The following RANBP3 variants were observed in gnomAD, a reference collection of about 807,000 sequenced individuals.
The protein encoded by RANBP3 is ran-binding protein 3.
Under a neutral mutation model 77.3 loss-of-function variants are expected in RANBP3, and 14 were observed. That is an observed-to-expected ratio of 0.18 (90% confidence interval 0.12 to 0.28). The LOEUF is 0.28. Ranked by LOEUF, RANBP3 falls within the 10% of genes least tolerant of loss-of-function variation. RANBP3 has a pLI of 1.00. For missense variants in RANBP3, 586 were observed against 752.3 expected (o/e 0.78, Z 2.59); for synonymous variants, 315 against 312.4 (o/e 1.01, Z -0.09).
intron 9 of RANBP3, among the ~76,000 whole-genome samples, chr19:5,927,076 G>GTC: frequency 6.6e-6 from 1 of 152,230 alleles, no homozygotes; most frequent in South Asian, 2.1e-4. Context: ...AACCACAAAA[G>GTC]TCTCTAGACA....
intron 1 of RANBP3, among the ~76,000 whole-genome samples, chr19:5,973,739 G>C (rs892253812): frequency 6.6e-6 from 1 of 152,230 alleles, no homozygotes; most frequent in Admixed American, 6.5e-5. Context: ...GTGCACTGTA[G>C]TAAAAACAGT....
chr19:5,950,273 C>T (rs8105373), intron 3 of RANBP3, among the ~76,000 whole-genome samples: 8 of 152,162 alleles, frequency 5.3e-5, no homozygotes, highest in East Asian at 1.9e-4. Context: ...CCGCGGCTCC[C>T]GTGTCTCACT....
chr19:5,946,152 A>G (rs1467584678), intron 3 of RANBP3, among the ~76,000 whole-genome samples: 3 of 152,094 alleles, frequency 2.0e-5, no homozygotes, highest in East Asian at 3.9e-4. Context: ...GGGTAAGTTC[A>G]TGCTCACTCC....
In RANBP3 at chr19:5,917,777, G is replaced by C; in HGVS notation, c.1660+17C>G. 6.2e-7 allele frequency: 1 copy of C among 1,600,380 alleles called. No individual in the cohort carries two copies. On this transcript the variant is annotated intron_variant, in intron 16 of 16. Coordinates refer to ENST00000340578, the MANE Select transcript of RANBP3 (RefSeq NM_007322.3). ...AGCTCTTTCTATCCCCCCCAGGGTA[G>C]GGACCACCCGACTCACCAGCTGCGG...
At chr19:5,925,121 G>A (rs2057885680) in intron 10 of RANBP3, 1 of 572,524 alleles carries the variant, frequency 1.7e-6, no homozygotes, top group East Asian at 3.0e-5. Context: ...GGGCCCCACA[G>A]CATGAGGGAA....
In RANBP3 at chr19:5,923,819, A is replaced by G. The variant is rs745865616; in HGVS notation, c.1092T>C (p.Pro364=). The part of the protein sequence containing the change: ...GSESSSQEAT[P]EKESLAESAA... ...GGTGGGACGCTAACATACCTTTCTC[A>G]GGGGTGGCCTCCTGGGACGAGGACT... is the stretch of plus-strand genomic sequence containing the variant. The change falls in exon 12 of 17, where the codon CCT becomes CCC. Residue 364 remains proline (P), a synonymous_variant. Transcript: ENST00000340578. The G allele has an allele frequency of 6.2e-7, 1 of 1,611,716 alleles. No individual in the cohort carries two copies. The highest frequency in any genetic ancestry group is 2.2e-5 in the East Asian group (1 of 44,844).
rs569128272 is a variant in RANBP3, at chr19:5,940,220, C to T, written c.406+1401G>A. 2.2e-4 allele frequency among the ~76,000 whole-genome samples: 33 copies of T among 152,276 alleles called. 1 individual carries two copies. The highest frequency in any genetic ancestry group is 3.4e-3 in the Middle Eastern group (1 of 294). ...GCCGGGGAGAAGAATGGTGGTCCCT[C>T]GCCTCTTTAGCCTACATTCACAGCC... is the stretch of plus-strand genomic sequence containing the variant. On this transcript the variant is annotated intron_variant, in intron 5 of 16. Coordinates refer to ENST00000340578, the MANE Select transcript of RANBP3 (RefSeq NM_007322.3).
Position 5,978,057 on chromosome 19 carries a change from C to G in RANBP3, c.22+4G>C. ...CAGCCGGTCCCCAACGGCGCCTCCC[C>G]TACCTTCGTTCGCCAGGTCCGCCAT... On this transcript the variant is annotated splice_donor_region_variant and intron_variant, in intron 1 of 16. Coordinates refer to ENST00000340578, the MANE Select transcript of RANBP3 (RefSeq NM_007322.3). 6.2e-7 allele frequency: 1 copy of G among 1,610,908 alleles called. No homozygotes were observed. The highest frequency in any genetic ancestry group is 2.2e-5 in the East Asian group (1 of 44,542).
Position 5,957,964 on chromosome 19 carries a change from G to A in RANBP3, c.32C>T (p.Ala11Val), listed in dbSNP as rs767673094. 6.2e-7 allele frequency: 1 copy of A among 1,614,124 alleles called. No individual in the cohort carries two copies. The highest frequency in any genetic ancestry group is 8.5e-7 in the Non-Finnish European group (1 of 1,180,004). MADLANEEKP[A>V]IAPPVFVFQK... Reference sequence around the variant, plus strand: ...AAACACAAAGACGGGCGGAGCAATGGCAGGCTTTTCTGCAAAAAGAAAAAT... The same window carrying A: ...AAACACAAAGACGGGCGGAGCAATGACAGGCTTTTCTGCAAAAAGAAAAAT... Residue 11 changes from alanine to valine, a missense_variant, in exon 2 of 17, where the codon GCC becomes GTC. By Grantham distance (64) the Ala-to-Val change is moderately conservative. Around this residue, in one of 5 missense-constraint regions of RANBP3, gnomAD observed 172 missense variants for 183.4 expected, o/e 0.94. Transcript: ENST00000340578.
Position 5,939,798 on chromosome 19 carries a change from G to A in RANBP3, c.406+1823C>T, listed in dbSNP as rs543316959. ...GCACTACGAGGGTCTCCAGCCCGAC[G>A]GCCTTGATCTGTCTGATGACTACAG... On this transcript the variant is annotated intron_variant, in intron 5 of 16. Coordinates refer to ENST00000340578, the MANE Select transcript of RANBP3 (RefSeq NM_007322.3). Among the ~76,000 whole-genome samples, 7 of 152,224 alleles carry A rather than the reference G, an allele frequency of 4.6e-5. No individual in the cohort carries two copies. The East Asian group carries it at 7.7e-4, about 17-fold the overall frequency.
chr19:5,929,835 G>A (rs2057964713), intron 8 of RANBP3, among the ~76,000 whole-genome samples: 1 of 152,226 alleles, frequency 6.6e-6, no homozygotes, highest in Admixed American at 6.5e-5. Context: ...GGGCAGCGTG[G>A]GTGTGGCCGC....
intron 13 of RANBP3, among the ~76,000 whole-genome samples, chr19:5,922,001 A>G (rs1382946744): frequency 6.6e-6 from 1 of 152,192 alleles, no homozygotes; most frequent in Admixed American, 6.5e-5. Flanking sequence ...CAGGCAAAAA[A>G]CAGAGACAGG....
chr19:5,949,256 C>T lies in RANBP3; in HGVS notation c.282+2137G>A, dbSNP rs573322568. Among the ~76,000 whole-genome samples the T allele has an allele frequency of 2.1e-4, 32 of 152,342 alleles. No homozygotes were observed. In the South Asian group the frequency reaches 6.2e-3, roughly 30 times the overall value. On this transcript the variant is annotated intron_variant, in intron 3 of 16. Coordinates refer to ENST00000340578, the MANE Select transcript of RANBP3 (RefSeq NM_007322.3). Reference sequence around the variant, plus strand: ...AACGAAAACGGTCTGAGTTCACACACACGAAAAAGGCTCAGGCCAAGAAGC... The same window carrying T: ...AACGAAAACGGTCTGAGTTCACACATACGAAAAAGGCTCAGGCCAAGAAGC...
chr19:5,941,148 G>C (rs1249608252), intron 5 of RANBP3, among the ~76,000 whole-genome samples: 1 of 152,216 alleles, frequency 6.6e-6, no homozygotes, highest in Non-Finnish European at 1.5e-5. Context: ...CTCCTGGCTT[G>C]CTGGTTACCG....
At chr19:5,927,930 C>T (rs952639240) in intron 9 of RANBP3, 38 bp downstream of exon 9, 2 of 1,577,302 alleles carry the variant, frequency 1.3e-6, no homozygotes, top group Non-Finnish European at 1.7e-6. Flanking sequence ...CTGGGGAAGG[C>T]ATAAAAAGTC....
At chr19:5,969,607 C>A (rs986312926) in intron 1 of RANBP3, among the ~76,000 whole-genome samples, 5 of 152,230 alleles carry the variant, frequency 3.3e-5, no homozygotes, top group Admixed American at 6.5e-5. Flanking sequence ...TGAACGAGTG[C>A]CCATTACCTA....
intron 3 of RANBP3, 152 bp from the exon 4 acceptor site, chr19:5,941,987 A>G (rs776300946): frequency 6.8e-5 from 55 of 812,912 alleles, no homozygotes; most frequent in Non-Finnish European, 8.6e-5. Flanking sequence ...TTTAGCCTAA[A>G]GCTCAAACAT....
intron 2 of RANBP3, 110 bp downstream of exon 2, chr19:5,957,808 C>T: frequency 8.5e-7 from 1 of 1,180,374 alleles, no homozygotes. Flanking sequence ...TTAGGTCTCC[C>T]CGTCTGTGGG....
rs577307965 is a variant in RANBP3 at position 5,977,952 on chromosome 19, G to A, written c.22+109C>T. On this transcript the variant is annotated intron_variant, in intron 1 of 16. Transcript: ENST00000340578. ...GCCCGCCACGGCGCTAGCCTGGAGCGGACGAAACCCTTGCACTCTGCGGTG... is the reference window on the plus strand; with the variant it reads ...GCCCGCCACGGCGCTAGCCTGGAGCAGACGAAACCCTTGCACTCTGCGGTG... 27 of 1,405,722 alleles carry A rather than the reference G, an allele frequency of 1.9e-5. No homozygotes were observed. The East Asian group carries it at 6.0e-4, about 31-fold the overall frequency. 87.1% of individuals were successfully genotyped at this position (1,405,722 alleles called of 1,614,324 possible).
Sources: gnomAD v4.1 joint callset for allele counts (sites outside exome capture counted in the v4.1 genomes callset) on GRCh38, gnomAD v4.1.1 for gene constraint, gnomAD v4.1.1 regional missense constraint, MANE v1.5 for transcripts, NCBI Gene and HGNC (gene_info 2026-07-23, HGNC 2026-07-21) for gene names.